The following ADD3 variants were observed in gnomAD, a reference collection of about 807,000 sequenced individuals.
ADD3 encodes the protein gamma-adducin.
In ADD3, 25 loss-of-function variants were observed where a neutral mutation model predicts 80.2. The ratio of observed to expected loss-of-function variants is 0.31; its 90% CI spans 0.23 to 0.44. ADD3 has a LOEUF of 0.44. Among genes scored for constraint, ADD3 ranks in the 20% least tolerant of loss-of-function variants. ADD3 has a pLI of 1.00. For synonymous variants in ADD3, 284 were observed against 289.6 expected, an observed-to-expected ratio of 0.98 and a Z score of 0.20; for missense variants, 829 against 847.5, an observed-to-expected ratio of 0.98 and a Z score of 0.27.
chr10:110,126,765 G>T (rs1852214783), intron 12 of ADD3, among the ~76,000 whole-genome samples: 1 of 152,150 alleles, frequency 6.6e-6, no homozygotes, highest in Admixed American at 6.5e-5. Context: ...GGATAGTCGT[G>T]AACACCTGAT....
At chr10:110,050,066 G>A (rs953664101) in intron 1 of ADD3, among the ~76,000 whole-genome samples, 11 of 152,104 alleles carry the variant, frequency 7.2e-5, no homozygotes, top group South Asian at 2.1e-4. Flanking sequence ...GCTCATAGGC[G>A]GAAGGGACCG....
At chr10:110,036,386 T>C (rs980402113) in intron 1 of ADD3, among the ~76,000 whole-genome samples, 13 of 149,126 alleles carry the variant, frequency 8.7e-5, no homozygotes, top group Non-Finnish European at 1.8e-4. Context: ...TTTTTTTTTT[T>C]TTTTTTTTTC....
chr10:110,100,282 G>A (rs917035793), intron 1 of ADD3, among the ~76,000 whole-genome samples: 1 of 151,290 alleles, frequency 6.6e-6, no homozygotes, highest in Non-Finnish European at 1.5e-5. Context: ...CCCAGGAGGT[G>A]GAGGTTGCAT....
chr10:110,082,852 A>G (rs1846232750), intron 1 of ADD3, among the ~76,000 whole-genome samples: 1 of 152,208 alleles, frequency 6.6e-6, no homozygotes. Context: ...TCAGCTTAAG[A>G]CATTTCATAT....
intron 1 of ADD3, among the ~76,000 whole-genome samples, chr10:110,063,449 A>G (rs1843447180): frequency 6.6e-6 from 1 of 152,162 alleles, no homozygotes; most frequent in South Asian, 2.1e-4. Context: ...AGGAGTATAT[A>G]TAGAGCTCAT....
At position 109,997,132 on chromosome 10, in the gene ADD3, C is replaced by T. The variant is rs544194793; in HGVS notation, n.79+686C>T. Among the ~76,000 whole-genome samples the T allele has an allele frequency of 7.9e-5, 12 of 152,310 alleles. No individual in the cohort carries two copies. The East Asian group carries it at 2.3e-3, about 29-fold the overall frequency. On this transcript the variant is annotated intron_variant and non_coding_transcript_variant, in intron 1 of 5. Coordinates refer to the ADD3 transcript ENST00000468251. ...GCTGAAGAATAGGGTCTTGTAAAGA[C>T]AGGAGCTAAGTGGGTTTTATGAGGT...
Position 110,119,580 on chromosome 10 carries a change from C to T in ADD3, c.960+16C>T. The T allele has an allele frequency of 6.3e-7, 1 of 1,593,534 alleles. No individual in the cohort carries two copies. On this transcript the variant is annotated intron_variant, in intron 8 of 14. Transcript: ENST00000356080. Reference sequence around the variant, plus strand: ...TGAGATTCAGGTAGGAAACATTATTCCCCTTTTTTAATTGCTTTGTTATTT... The same window carrying T: ...TGAGATTCAGGTAGGAAACATTATTTCCCTTTTTTAATTGCTTTGTTATTT...
intron 3 of ADD3, among the ~76,000 whole-genome samples, chr10:110,114,915 T>C (rs1163919651): frequency 6.6e-6 from 1 of 151,326 alleles, no homozygotes; most frequent in Non-Finnish European, 1.5e-5. Flanking sequence ...CCATCTCCAC[T>C]AAACAAATTA....
At chr10:110,083,269 G>A (rs557891928) in intron 1 of ADD3, among the ~76,000 whole-genome samples, 2 of 152,280 alleles carry the variant, frequency 1.3e-5, no homozygotes, top group East Asian at 3.9e-4. Flanking sequence ...TTGGATGGAC[G>A]GATGGAGATG....
At chr10:110,057,463 A>G (rs60546562) in intron 1 of ADD3, among the ~76,000 whole-genome samples, 12,657 of 152,204 alleles carry the variant, frequency 0.083, 1,715 homozygotes, top group African/African-American at 0.29. Flanking sequence ...ACTCCTAGCC[A>G]GGAACTAATG....
chr10:110,032,821 T>C (rs1255807478), intron 1 of ADD3, among the ~76,000 whole-genome samples: 1 of 152,238 alleles, frequency 6.6e-6, no homozygotes, highest in Non-Finnish European at 1.5e-5. Context: ...TTATTGTTTT[T>C]ATACTGTTAA....
At chr10:110,066,617 C>G (rs901915547) in intron 1 of ADD3, among the ~76,000 whole-genome samples, 3 of 151,936 alleles carry the variant, frequency 2.0e-5, no homozygotes, top group East Asian at 1.9e-4. Context: ...AAGAATGAAC[C>G]CTTCAACATT....
chr10:110,033,296 G>A (rs766533746), intron 1 of ADD3, among the ~76,000 whole-genome samples: 1 of 152,228 alleles, frequency 6.6e-6, no homozygotes, highest in Non-Finnish European at 1.5e-5. Flanking sequence ...TCCAGTGTTA[G>A]ATGCCAACAG....
chr10:110,036,375 C>CT (rs551028000), intron 1 of ADD3, among the ~76,000 whole-genome samples: 27,538 of 116,742 alleles, frequency 0.24, 5,373 homozygotes, highest in African/African-American at 0.5. Flanking sequence ...TAGAAAGTGT[C>CT]TTTTTTTTTT....
At chr10:110,067,646 C>A (rs1187470343) in intron 1 of ADD3, among the ~76,000 whole-genome samples, 2 of 152,174 alleles carry the variant, frequency 1.3e-5, no homozygotes, top group African/African-American at 4.8e-5. Flanking sequence ...TTACACTGAT[C>A]CACATACCCC....
chr10:110,063,059 T>G (rs60961367), intron 1 of ADD3, among the ~76,000 whole-genome samples: 1 of 152,358 alleles, frequency 6.6e-6, no homozygotes, highest in African/African-American at 2.4e-5. Flanking sequence ...GGTTTTTGTT[T>G]TCATTTTGCA....
rs572603760 is a variant in ADD3, at chr10:110,124,239, C to T, written c.1366C>T (p.Arg456Trp). ...GAAAGTGAATGTGCCTGAGGAGTCT[C>T]GGAACGGAGAAACCAGTCCCCGAAC... Reference protein sequence around the residue: ...YMKVNVPEESRNGETSPRTKI... With the variant: ...YMKVNVPEESWNGETSPRTKI... Residue 456 changes from arginine to tryptophan, a missense_variant, in exon 10 of 15, where the codon CGG becomes TGG. Arg to Trp is a moderately radical substitution (Grantham distance 101). Coordinates refer to ENST00000356080, the MANE Select transcript of ADD3 (RefSeq NM_016824.5). The T allele has an allele frequency of 1.1e-5, 18 of 1,614,154 alleles. No individual in the cohort carries two copies. The Admixed American group carries it at 2.5e-4, about 22-fold the overall frequency.
At chr10:110,132,938 A>G (rs1219121974) in intron 14 of ADD3, among the ~76,000 whole-genome samples, 1 of 151,878 alleles carries the variant, frequency 6.6e-6, no homozygotes, top group Non-Finnish European at 1.5e-5. Context: ...AAAAAAAAAA[A>G]AAAAAAAAGA....
intron 1 of ADD3, among the ~76,000 whole-genome samples, chr10:110,016,981 C>A (rs572699629): frequency 6.6e-6 from 1 of 152,230 alleles, no homozygotes; most frequent in South Asian, 2.1e-4. Context: ...TTGATTGTTA[C>A]ATATTTATAT....
Sources: allele counts gnomAD v4.1 joint callset (sites outside exome capture counted in the v4.1 genomes callset), GRCh38; gene constraint gnomAD v4.1.1; transcripts MANE v1.5; gene names NCBI Gene and HGNC (gene_info 2026-07-23, HGNC 2026-07-21).